IPO11: variants seen among roughly 807,000 people sequenced by gnomAD.
IPO11 encodes importin-11.
Under a neutral mutation model 143.2 loss-of-function variants are expected in IPO11, and 66 were observed. The observed-to-expected ratio is 0.46, with a 90% CI of 0.38 to 0.57. The LOEUF (loss-of-function observed/expected upper bound fraction) is 0.57, where lower values mean the gene tolerates loss of function less well. Among genes scored for constraint, IPO11 ranks in the 20% least tolerant of loss-of-function variants. The pLI is 0.00. For missense variants in IPO11, 1,026 were observed against 1,141.0 expected, an observed-to-expected ratio of 0.90 and a Z score of 1.45; for synonymous variants, 385 against 377.8, an observed-to-expected ratio of 1.02 and a Z score of -0.22.
intron 27 of IPO11, among the ~76,000 whole-genome samples, chr5:62,572,350 T>A (rs1400107123): frequency 1.3e-5 from 2 of 152,190 alleles, no homozygotes; most frequent in Admixed American, 1.3e-4. Flanking sequence ...AGTGCATTTA[T>A]TAAGAAAGTA....
chr5:62,587,622 T>C (rs1744844168), intron 27 of IPO11, among the ~76,000 whole-genome samples: 1 of 152,224 alleles, frequency 6.6e-6, no homozygotes, highest in Non-Finnish European at 1.5e-5. Flanking sequence ...TCTTTAACAA[T>C]TTTTAAGAAT....
intron 5 of IPO11, among the ~76,000 whole-genome samples, chr5:62,466,345 C>T (rs1218711180): frequency 6.6e-6 from 1 of 152,124 alleles, no homozygotes; most frequent in African/African-American, 2.4e-5. Context: ...GATTGCAGCT[C>T]TGGTTTCTGA....
At chr5:62,560,448 C>A (rs539816371) in intron 26 of IPO11, among the ~76,000 whole-genome samples, 8 of 152,298 alleles carry the variant, frequency 5.3e-5, no homozygotes, top group South Asian at 2.1e-4. Flanking sequence ...AGCCCACTCA[C>A]ATTATCTAGG....
chr5:62,465,266 T>C (rs1745529778), intron 5 of IPO11, among the ~76,000 whole-genome samples: 1 of 152,234 alleles, frequency 6.6e-6, no homozygotes, highest in South Asian at 2.1e-4. Flanking sequence ...GGGTGTTGTA[T>C]ATTACACAGT....
intron 26 of IPO11, among the ~76,000 whole-genome samples, chr5:62,553,049 T>G (rs1743443650): frequency 6.6e-6 from 1 of 152,190 alleles, no homozygotes; most frequent in South Asian, 2.1e-4. Context: ...ACACTAGAAC[T>G]TATTCCTCCT....
chr5:62,419,668 T>C (rs1317056881), intron 1 of IPO11, among the ~76,000 whole-genome samples: 7 of 152,130 alleles, frequency 4.6e-5, no homozygotes. Context: ...ACTTTTTTTT[T>C]TAATAGGAGT....
chr5:62,598,409 TTTC>T (rs1170032367), intron 28 of IPO11, among the ~76,000 whole-genome samples: 1 of 10,486 alleles, frequency 9.5e-5, no homozygotes, highest in Non-Finnish European at 1.4e-4. Flanking sequence ...TCTTTCTTTC[TTTC>T]TTTCTTTCTT....
At chr5:62,603,189 A>T (rs1745569591) in intron 29 of IPO11, among the ~76,000 whole-genome samples, 1 of 152,186 alleles carries the variant, frequency 6.6e-6, no homozygotes. Flanking sequence ...GATCCAAAAC[A>T]CTTCTAATAT....
At chr5:62,581,422 CATT>C (rs1744559919) in intron 27 of IPO11, 1 of 828,458 alleles carries the variant, frequency 1.2e-6, no homozygotes, top group African/African-American at 1.8e-5. Flanking sequence ...ATGAGGTTAG[CATT>C]ATTAAAATAT....
chr5:62,614,375 A>C (rs189029025), intron 29 of IPO11, among the ~76,000 whole-genome samples: 1 of 152,332 alleles, frequency 6.6e-6, no homozygotes, highest in East Asian at 1.9e-4. Flanking sequence ...AGTGGTTCTC[A>C]ACTGGGTACT....
chr5:62,414,729 C>G (rs1743228744), intron 1 of IPO11, among the ~76,000 whole-genome samples: 1 of 152,174 alleles, frequency 6.6e-6, no homozygotes, highest in Admixed American at 6.6e-5. Flanking sequence ...GAATCAAAAT[C>G]TGCAATTTTA....
intron 9 of IPO11, 66 bp downstream of exon 9, chr5:62,476,819 A>G (rs1299658211): frequency 5.0e-6 from 7 of 1,389,990 alleles, no homozygotes; most frequent in Non-Finnish European, 6.7e-6. Context: ...AAGGAAAATG[A>G]TATTTTTATA....
intron 20 of IPO11, among the ~76,000 whole-genome samples, chr5:62,521,691 A>G (rs1268378661): frequency 6.7e-6 from 1 of 150,280 alleles, no homozygotes; most frequent in Non-Finnish European, 1.5e-5. Flanking sequence ...TACATGATAG[A>G]TATTCTGAAC....
intron 26 of IPO11, among the ~76,000 whole-genome samples, chr5:62,559,944 AGAG>A (rs1743716092): frequency 1.2e-4 from 3 of 24,536 alleles, no homozygotes; most frequent in South Asian, 1.8e-3. Flanking sequence ...AAAAAAAAAG[AGAG>A]AGAAAAACAA....
At chr5:62,492,643 A>G (rs1399478843) in intron 15 of IPO11, among the ~76,000 whole-genome samples, 1 of 152,114 alleles carries the variant, frequency 6.6e-6, no homozygotes, top group African/African-American at 2.4e-5. Context: ...TCCTGGGCTC[A>G]AGTGATCCTC....
chr5:62,562,816 G>A (rs1383391306), intron 27 of IPO11, among the ~76,000 whole-genome samples: 1 of 152,152 alleles, frequency 6.6e-6, no homozygotes, highest in African/African-American at 2.4e-5. Flanking sequence ...TTATTTTGTT[G>A]CAATATCATA....
In IPO11 at chr5:62,598,387, GCTTGCTTT is replaced by G. The variant is rs1269218699; in HGVS notation, c.2679-3373_2679-3366del. Among the ~76,000 whole-genome samples, 52 of 36,232 alleles carry G rather than the reference GCTTGCTTT, an allele frequency of 1.4e-3. 9 individuals are homozygous for G. The highest frequency in any genetic ancestry group is 0.01 in the East Asian group (10 of 974). The allele number at this position is 36,232 out of a possible 152,430, so 23.8% of individuals were successfully genotyped here. A position where few individuals can be genotyped will look rare whatever the true frequency, so the allele number is the denominator to read the frequency against. On this transcript the variant is annotated intron_variant, in intron 28 of 29. Transcript: ENST00000325324. ...CGACCCATAAATTGTTTGCTTGCTT[GCTTGCTTT>G]CTTTCTTTCTTTCTTTCTTTCTTTC...
chr5:62,467,022 C>A, intron 5 of IPO11, 109 bp from the exon 6 acceptor site: 2 of 998,276 alleles, frequency 2.0e-6, no homozygotes, highest in Non-Finnish European at 2.9e-6. Flanking sequence ...TCAGATCTCT[C>A]AGAAAATGTG....
intron 19 of IPO11, among the ~76,000 whole-genome samples, chr5:62,515,161 G>A (rs1741971545): frequency 1.3e-5 from 2 of 151,990 alleles, no homozygotes; most frequent in African/African-American, 4.8e-5. Flanking sequence ...ATTTCATTCA[G>A]TACACTTGAT....
Sources: allele counts gnomAD v4.1 joint callset (sites outside exome capture counted in the v4.1 genomes callset), GRCh38; gene constraint gnomAD v4.1.1; transcripts MANE v1.5; gene names NCBI Gene and HGNC (gene_info 2026-07-23, HGNC 2026-07-21).